The following HSDL1 variants were observed in gnomAD, a reference collection of about 807,000 sequenced individuals.
HSDL1 encodes hydroxysteroid dehydrogenase like 1.
HSDL1 carries 29 observed loss-of-function variants against 31.5 expected under a neutral mutation model. The observed-to-expected ratio is 0.92, with a 90% CI of 0.69 to 1.26. The LOEUF (loss-of-function observed/expected upper bound fraction) is 1.26. Ranked by LOEUF, HSDL1 falls within the 50% of genes most tolerant of loss-of-function variation. The pLI, the probability that HSDL1 is intolerant of heterozygous loss-of-function variation, is 0.00. For missense variants in HSDL1, 503 were observed against 416.6 expected (o/e 1.21, Z -1.81); for synonymous variants, 222 against 155.2 (o/e 1.43, Z -3.20).
intron 1 of HSDL1, among the ~76,000 whole-genome samples, chr16:84,141,322 C>T (rs912992347): frequency 3.9e-5 from 6 of 151,946 alleles, no homozygotes; most frequent in Non-Finnish European, 1.5e-5. Context: ...AGATACACCA[C>T]GATTCACAGG....
At chr16:84,141,871 T>A (rs989376194) in intron 1 of HSDL1, among the ~76,000 whole-genome samples, 1 of 152,234 alleles carries the variant, frequency 6.6e-6, no homozygotes, top group Non-Finnish European at 1.5e-5. Context: ...TTAAATATTC[T>A]AGATACTAGC....
At chr16:84,135,088 C>T (rs112934774) in intron 2 of HSDL1, among the ~76,000 whole-genome samples, 2 of 152,008 alleles carry the variant, frequency 1.3e-5, no homozygotes, top group Admixed American at 6.6e-5. Flanking sequence ...AAAAAATTAG[C>T]AGGGCGTGGT....
intron 5 of HSDL1, 30 bp from the exon 6 acceptor site, chr16:84,124,758 G>C: frequency 6.6e-7 from 1 of 1,507,388 alleles, no homozygotes; most frequent in East Asian, 2.3e-5. Flanking sequence ...AGGTTGTAAG[G>C]TTAGAACCCA....
At chr16:84,129,490 C>T (rs2086640269) in intron 5 of HSDL1, 58 bp downstream of exon 5, 1 of 1,186,810 alleles carries the variant, frequency 8.4e-7, no homozygotes, top group Non-Finnish European at 1.3e-6. Flanking sequence ...TTCTCTGTAT[C>T]ACTGAGATAG....
In HSDL1 at chr16:84,127,638, ATC is replaced by A. The variant is rs562794513; in HGVS notation, c.894+1908_894+1909del. Among the ~76,000 whole-genome samples the A allele has an allele frequency of 2.6e-5, 4 of 151,364 alleles. No homozygotes were observed. In the East Asian group the frequency reaches 5.9e-4, roughly 22 times the overall value. Reference sequence around the variant, plus strand: ...TCTTCATGCAAACAGTCCCAAAAATATCTGTTTGATAATTAAGAAAACTCCGA... The same window carrying A: ...TCTTCATGCAAACAGTCCCAAAAATATGTTTGATAATTAAGAAAACTCCGA... On this transcript the variant is annotated intron_variant, in intron 5 of 5. Coordinates refer to ENST00000219439, the MANE Select transcript of HSDL1 (RefSeq NM_031463.5).
In HSDL1 at chr16:84,142,430, C is replaced by CTTTTTT. The variant is rs34954052; in HGVS notation, c.-69+2644_-69+2649dup. The stretch of plus-strand genomic sequence containing the variant: ...GGTGTGAGGCTGGGATCTCACACAT[C>CTTTTTT]TTTTTTTTTTTTTTTTTTTTTTTGA... On this transcript the variant is annotated intron_variant, in intron 1 of 5. Coordinates refer to ENST00000219439, the MANE Select transcript of HSDL1 (RefSeq NM_031463.5). Among the ~76,000 whole-genome samples, 37 of 81,418 alleles carry CTTTTTT rather than the reference C, an allele frequency of 4.5e-4. 3 individuals carry two copies. Among genetic ancestry groups the CTTTTTT allele is most frequent in the South Asian group, 5.2e-4 (1 of 1,922 alleles). The allele number at this position is 81,418 out of a possible 152,430, so 53.4% of individuals were successfully genotyped here. A position where few individuals can be genotyped will look rare whatever the true frequency, so the allele number is the denominator to read the frequency against.
chr16:84,126,066 GCACTCC>G (rs2086603664), intron 5 of HSDL1, among the ~76,000 whole-genome samples: 1 of 147,950 alleles, frequency 6.8e-6, no homozygotes, highest in Non-Finnish European at 1.5e-5. Context: ...TCGCGGCACT[GCACTCC>G]AGCCTGGGCA....
chr16:84,134,407 G>A (rs978134632), intron 2 of HSDL1, among the ~76,000 whole-genome samples: 7 of 152,014 alleles, frequency 4.6e-5, no homozygotes, highest in African/African-American at 1.2e-4. Flanking sequence ...CAGATCACTT[G>A]AGGTCAGGAG....
rs1447697847 is a variant in HSDL1, at chr16:84,123,705, A to C, written c.*925T>G. 7.2e-5 allele frequency: 11 copies of C among 152,614 alleles called. No homozygotes were observed. Among genetic ancestry groups the C allele is most frequent in the Non-Finnish European group, 1.6e-4 (11 of 68,038 alleles). 9.5% of individuals were successfully genotyped at this position (152,614 alleles called of 1,614,324 possible). On this transcript the variant is annotated 3_prime_UTR_variant, in exon 6 of 6. Coordinates refer to ENST00000219439, the MANE Select transcript of HSDL1 (RefSeq NM_031463.5). The stretch of plus-strand genomic sequence containing the variant: ...ATATTACATAGAAAAACGTAGGAAA[A>C]CCAGATATAACAAGCTCTAAAGGGC...
chr16:84,134,489 G>A (rs1403346523), intron 2 of HSDL1, among the ~76,000 whole-genome samples: 1 of 152,034 alleles, frequency 6.6e-6, no homozygotes, highest in Non-Finnish European at 1.5e-5. Flanking sequence ...CGGGTATGGT[G>A]GTGACTGCCC....
chr16:84,128,773 T>C (rs1456904589), intron 5 of HSDL1, among the ~76,000 whole-genome samples: 1 of 152,078 alleles, frequency 6.6e-6, no homozygotes, highest in South Asian at 2.1e-4. Flanking sequence ...AGTAGCGTGA[T>C]CTTGGCTCAC....
chr16:84,131,268 G>C lies in HSDL1; in HGVS notation c.54C>G (p.Cys18Trp), dbSNP rs148710817. 4.3e-6 allele frequency: 7 copies of C among 1,614,002 alleles called. No homozygotes were observed. Among genetic ancestry groups the C allele is most frequent in the African/African-American group, 2.7e-5 (2 of 74,920 alleles). ...YLLYREIARS[C>W]NCYMEALALV... ...AAGCTAGAGCTTCCATATAGCAATT[G>C]CAAGACCTGGCGATTTCCCTGTACA... The change falls in exon 3 of 6, where the codon TGC becomes TGG. Residue 18 changes from cysteine to tryptophan, a missense_variant. Coordinates refer to ENST00000219439, the MANE Select transcript of HSDL1 (RefSeq NM_031463.5).
chr16:84,135,208 G>C (rs2086701333), intron 2 of HSDL1, among the ~76,000 whole-genome samples: 1 of 151,564 alleles, frequency 6.6e-6, no homozygotes, highest in Admixed American at 6.6e-5. Flanking sequence ...ACTCCAGCCT[G>C]GACGACAGAG....
At chr16:84,130,541 A>G in intron 3 of HSDL1, 110 bp from the exon 4 acceptor site, 2 of 866,480 alleles carry the variant, frequency 2.3e-6, no homozygotes, top group Middle Eastern at 3.6e-4. Context: ...CACACTAGAA[A>G]TCAAGTCGGT....
intron 2 of HSDL1, among the ~76,000 whole-genome samples, chr16:84,131,730 G>A (rs1452001550): frequency 6.0e-5 from 9 of 150,746 alleles, no homozygotes; most frequent in African/African-American, 2.2e-4. Context: ...CCAGGCTGGA[G>A]TGCAGTGGCG....
Position 84,131,483 on chromosome 16 carries a change from GTCTATCTATCTATCTA to G in HSDL1, c.-6-172_-6-157del, listed in dbSNP as rs36192181. Among the ~76,000 whole-genome samples the G allele has an allele frequency of 2.0e-3, 294 of 144,236 alleles. 1 individual carries two copies. The highest frequency in any genetic ancestry group is 6.8e-3 in the African/African-American group (257 of 38,010). 94.6% of individuals were successfully genotyped at this position (144,236 alleles called of 152,430 possible). On this transcript the variant is annotated intron_variant, in intron 2 of 5. Transcript: ENST00000219439. ...CAAATGTACGTGGCTCACAGTTTCAGTCTATCTATCTATCTATCTATCTATCTATCTATCTATCTAT... is the reference window on the plus strand; with the variant it reads ...CAAATGTACGTGGCTCACAGTTTCAGTCTATCTATCTATCTATCTATCTAT...
At chr16:84,127,795 T>C (rs1429456427) in intron 5 of HSDL1, among the ~76,000 whole-genome samples, 1 of 148,262 alleles carries the variant, frequency 6.7e-6, no homozygotes, top group Non-Finnish European at 1.5e-5. Flanking sequence ...CTCGGCTCAC[T>C]GCAAGCTCTG....
intron 2 of HSDL1, among the ~76,000 whole-genome samples, 176 bp from the exon 3 acceptor site, chr16:84,131,503 ATC>A (rs2086666226): frequency 6.6e-6 from 1 of 150,484 alleles, no homozygotes; most frequent in South Asian, 2.1e-4. Context: ...CTATCTATCT[ATC>A]TATCTATCTA....
At chr16:84,135,430 AT>A (rs1466961668) in intron 2 of HSDL1, 113 bp downstream of exon 2, 1 of 151,952 alleles carries the variant, frequency 6.6e-6, no homozygotes, top group East Asian at 1.9e-4. Context: ...CTTAAGCCCG[AT>A]TTTTTTCAAG....
Sources: allele counts gnomAD v4.1 joint callset (sites outside exome capture counted in the v4.1 genomes callset), GRCh38; gene constraint gnomAD v4.1.1; transcripts MANE v1.5; gene names NCBI Gene and HGNC (gene_info 2026-07-23, HGNC 2026-07-21).